The following PARD3B variants were observed in gnomAD, a reference collection of about 807,000 sequenced individuals.
The protein encoded by PARD3B is partitioning defective 3 homolog B.
In PARD3B, 103 loss-of-function variants were observed where a neutral mutation model predicts 130.2. That is an observed-to-expected ratio of 0.79 (90% CI 0.67 to 0.93). The LOEUF (loss-of-function observed/expected upper bound fraction) is 0.93, where lower values mean the gene tolerates loss of function less well. Among genes scored for constraint, PARD3B ranks in the 40% least tolerant of loss-of-function variants. The probability of loss-of-function intolerance (pLI) is 0.00; values close to 1 mark genes in which losing one functional copy is unlikely to be tolerated. For missense variants in PARD3B, 1,609 were observed against 1,499.2 expected (o/e 1.07, Z -1.21); for synonymous variants, 583 against 553.2 (o/e 1.05, Z -0.76).
chr2:205,385,663 A>AG (rs2105961097), intron 18 of PARD3B, among the ~76,000 whole-genome samples: 1 of 152,264 alleles, frequency 6.6e-6, no homozygotes. Flanking sequence ...ATTGAAAGGT[A>AG]GGTAGCACAG....
At chr2:204,962,859 G>A (rs1690871451) in intron 2 of PARD3B, among the ~76,000 whole-genome samples, 1 of 152,110 alleles carries the variant, frequency 6.6e-6, no homozygotes. Flanking sequence ...ACCATAACTA[G>A]GTGCTAATTG....
chr2:204,579,631 CA>C (rs2032445309), intron 1 of PARD3B, among the ~76,000 whole-genome samples: 1 of 152,296 alleles, frequency 6.6e-6, no homozygotes, highest in East Asian at 1.9e-4. Flanking sequence ...AGAGAGTAAA[CA>C]AATGGTAATT....
intron 3 of PARD3B, among the ~76,000 whole-genome samples, chr2:204,966,282 G>A (rs1305642492): frequency 2.0e-5 from 3 of 152,106 alleles, no homozygotes; most frequent in African/African-American, 7.2e-5. Flanking sequence ...CATCTGTAGT[G>A]CCCCTTTTAA....
At chr2:204,595,253 C>T (rs1042039419) in intron 1 of PARD3B, among the ~76,000 whole-genome samples, 10 of 152,202 alleles carry the variant, frequency 6.6e-5, no homozygotes, top group African/African-American at 2.2e-4. Flanking sequence ...CCATCCACTG[C>T]CCCTTGCCCC....
intron 3 of PARD3B, among the ~76,000 whole-genome samples, chr2:205,036,999 CTG>C (rs1275336542): frequency 2.0e-5 from 3 of 146,448 alleles, no homozygotes; most frequent in Middle Eastern, 3.8e-3. Context: ...ATATAGCGGA[CTG>C]TATATATAAA....
intron 2 of PARD3B, among the ~76,000 whole-genome samples, chr2:204,692,223 A>T (rs2037388685): frequency 6.6e-6 from 1 of 152,106 alleles, no homozygotes; most frequent in Admixed American, 6.6e-5. Flanking sequence ...GTTACAACTC[A>T]CAGACTCAGG....
Position 205,253,978 on chromosome 2 carries a change from A to T in PARD3B, c.2185+8156A>T, listed in dbSNP as rs540212508. 2.2e-3 allele frequency among the ~76,000 whole-genome samples: 337 copies of T among 151,142 alleles called. 2 individuals carry two copies. The highest frequency in any genetic ancestry group is 4.2e-3 in the Non-Finnish European group (285 of 67,762). ...ACAGTATTTTGTCAACCATGGAAGG[A>T]TAGTTGGACTCAAGAAGGCAAGGTA... On this transcript the variant is annotated intron_variant, in intron 16 of 22. Coordinates refer to ENST00000406610, the MANE Select transcript of PARD3B (RefSeq NM_001302769.2). This position sits in a 1 kb window ranked among gnomAD's most constrained non-coding sequence, Gnocchi z 4.4.
chr2:205,357,271 C>A (rs1325622838), intron 18 of PARD3B, among the ~76,000 whole-genome samples: 1 of 152,084 alleles, frequency 6.6e-6, no homozygotes, highest in African/African-American at 2.4e-5. Context: ...GTTCACACTC[C>A]TTTGGTGATG....
intron 2 of PARD3B, among the ~76,000 whole-genome samples, chr2:204,809,587 T>G (rs1178763475): frequency 6.6e-6 from 1 of 152,204 alleles, no homozygotes; most frequent in Non-Finnish European, 1.5e-5. Flanking sequence ...TCTGTTCTGT[T>G]CCATTGGTCT....
intron 21 of PARD3B, among the ~76,000 whole-genome samples, chr2:205,539,946 A>T (rs2052047999): frequency 6.6e-6 from 1 of 152,154 alleles, no homozygotes. Context: ...TCAGGAACAG[A>T]GGGGAAAAGA....
chr2:205,152,525 C>CTT (rs1190592488), intron 10 of PARD3B, among the ~76,000 whole-genome samples: 1 of 152,150 alleles, frequency 6.6e-6, no homozygotes, highest in Non-Finnish European at 1.5e-5. Context: ...CACTGATACC[C>CTT]TTTCTTCCAC....
rs2031247720 is a variant in PARD3B, at chr2:205,125,291, C to T, written c.1306-318C>T. Among the ~76,000 whole-genome samples the T allele has an allele frequency of 6.6e-6, 1 of 152,180 alleles. No individual in the cohort carries two copies. ...TTGTTGAATTAGGCAGAAAATGGCG[C>T]TAAGTAAGCCTTTGCAATCTGCTTT... On this transcript the variant is annotated intron_variant, in intron 9 of 22. Coordinates refer to ENST00000406610, the MANE Select transcript of PARD3B (RefSeq NM_001302769.2). This position sits in a 1 kb window ranked among gnomAD's most constrained non-coding sequence, Gnocchi z 4.0.
At chr2:204,863,573 T>A (rs1385415548) in intron 2 of PARD3B, among the ~76,000 whole-genome samples, 3 of 152,248 alleles carry the variant, frequency 2.0e-5, no homozygotes, top group Non-Finnish European at 4.4e-5. Flanking sequence ...GGCTAAGGAA[T>A]CTAACCATTA....
chr2:204,741,559 A>G (rs1369223047), intron 2 of PARD3B, among the ~76,000 whole-genome samples: 2 of 152,050 alleles, frequency 1.3e-5, no homozygotes, highest in Non-Finnish European at 2.9e-5. Flanking sequence ...CCTCCATGTT[A>G]TTTTCCAAGT....
intron 21 of PARD3B, among the ~76,000 whole-genome samples, chr2:205,534,476 T>C (rs962333796): frequency 2.0e-5 from 3 of 152,022 alleles, no homozygotes; most frequent in Admixed American, 6.6e-5. Context: ...CTTTTTTTTT[T>C]TGGAGACAGA....
intron 2 of PARD3B, among the ~76,000 whole-genome samples, chr2:204,874,628 A>G (rs2045765449): frequency 6.6e-6 from 1 of 152,200 alleles, no homozygotes; most frequent in Non-Finnish European, 1.5e-5. Flanking sequence ...CAGGTTTTAC[A>G]TGAACAGCTT....
chr2:205,209,936 G>A (rs1248471844), intron 15 of PARD3B, among the ~76,000 whole-genome samples: 1 of 152,076 alleles, frequency 6.6e-6, no homozygotes, highest in Non-Finnish European at 1.5e-5. Context: ...AAGGATAAAT[G>A]TTTAAGGGGA....
At chr2:205,026,857 GTTC>G (rs771154870) in intron 3 of PARD3B, among the ~76,000 whole-genome samples, 10 of 152,104 alleles carry the variant, frequency 6.6e-5, no homozygotes, top group South Asian at 2.1e-4. Flanking sequence ...ATTGCAAAAT[GTTC>G]TTCTTCTTAT....
intron 2 of PARD3B, among the ~76,000 whole-genome samples, chr2:204,789,371 G>A (rs1427032087): frequency 1.3e-5 from 2 of 152,114 alleles, no homozygotes; most frequent in East Asian, 3.9e-4. Flanking sequence ...TTTTTGAGTA[G>A]GTGAAATGAT....
Sources: gnomAD v4.1 joint callset for allele counts (sites outside exome capture counted in the v4.1 genomes callset) on GRCh38, gnomAD v4.1.1 for gene constraint, Gnocchi (gnomAD v3.1) non-coding constraint, MANE v1.5 for transcripts, NCBI Gene and HGNC (gene_info 2026-07-23, HGNC 2026-07-21) for gene names.